MECOM: variants seen among roughly 807,000 people sequenced by gnomAD.
The protein encoded by MECOM is MDS1 and EVI1 complex locus, also known as histone-lysine N-methyltransferase MECOM.
Under a neutral mutation model 116.3 loss-of-function variants are expected in MECOM, and 13 were observed. The observed-to-expected ratio is 0.11, with a 90% CI of 0.07 to 0.18. The LOEUF (loss-of-function observed/expected upper bound fraction) is 0.18, where lower values mean the gene tolerates loss of function less well. Among genes scored for constraint, MECOM ranks in the 10% least tolerant of loss-of-function variants. The probability of loss-of-function intolerance (pLI) is 1.00; values close to 1 mark genes in which losing one functional copy is unlikely to be tolerated. For synonymous variants in MECOM, 528 were observed against 535.2 expected (o/e 0.99, Z 0.19); for missense variants, 1,299 against 1,509.0 (o/e 0.86, Z 2.31).
chr3:169,373,782 T>A (rs1730548427), intron 2 of MECOM, among the ~76,000 whole-genome samples: 1 of 151,984 alleles, frequency 6.6e-6, no homozygotes, highest in African/African-American at 2.4e-5. Flanking sequence ...GGATTATACA[T>A]GTCTGAATTC....
chr3:169,427,778 G>A (rs1294332762), intron 1 of MECOM, among the ~76,000 whole-genome samples: 4 of 152,174 alleles, frequency 2.6e-5, no homozygotes, highest in African/African-American at 7.2e-5. Context: ...CAAAATATGT[G>A]TGTATGAAAG....
At chr3:169,390,815 G>A (rs147809763) in intron 1 of MECOM, among the ~76,000 whole-genome samples, 101 of 152,250 alleles carry the variant, frequency 6.6e-4, no homozygotes, top group Admixed American at 1.1e-3. Context: ...GAAGGAGGAT[G>A]GTGTGCATTC....
At chr3:169,361,271 A>G (rs1047928290) in intron 2 of MECOM, among the ~76,000 whole-genome samples, 17 of 151,872 alleles carry the variant, frequency 1.1e-4, no homozygotes, top group Admixed American at 1.1e-3. Flanking sequence ...GTCTTCAGCA[A>G]AAGAACCATT....
intron 1 of MECOM, among the ~76,000 whole-genome samples, chr3:169,526,216 T>A (rs1365328948): frequency 6.6e-6 from 1 of 151,956 alleles, no homozygotes; most frequent in African/African-American, 2.4e-5. Flanking sequence ...CGTTGGGCCG[T>A]CGGAGAGCCT....
intron 1 of MECOM, among the ~76,000 whole-genome samples, chr3:169,493,711 C>A (rs1348493030): frequency 6.6e-6 from 1 of 151,842 alleles, no homozygotes; most frequent in Non-Finnish European, 1.5e-5. Context: ...CAGAAACAGC[C>A]CTGACACTTT....
intron 1 of MECOM, among the ~76,000 whole-genome samples, chr3:169,543,501 T>G (rs1760354880): frequency 6.6e-6 from 1 of 152,120 alleles, no homozygotes; most frequent in South Asian, 2.1e-4. Flanking sequence ...AAGGTTACAG[T>G]GAGTTATGAT....
intron 2 of MECOM, among the ~76,000 whole-genome samples, chr3:169,193,876 T>C (rs1303847304): frequency 1.3e-5 from 2 of 152,048 alleles, no homozygotes; most frequent in African/African-American, 2.4e-5. Flanking sequence ...AAATGAATAC[T>C]AATTGAAATT....
chr3:169,158,272 C>G (rs1306447621), intron 2 of MECOM, among the ~76,000 whole-genome samples: 1 of 152,112 alleles, frequency 6.6e-6, no homozygotes, highest in Non-Finnish European at 1.5e-5. Context: ...TGGAAGATTT[C>G]AAGAAGGTCA....
At chr3:169,389,930 A>C (rs887199679) in intron 1 of MECOM, among the ~76,000 whole-genome samples, 3 of 152,206 alleles carry the variant, frequency 2.0e-5, no homozygotes, top group African/African-American at 7.2e-5. Flanking sequence ...CAAGAAAGGA[A>C]GTATATCAGC....
intron 1 of MECOM, among the ~76,000 whole-genome samples, chr3:169,650,356 T>C (rs1162998789): frequency 6.6e-6 from 1 of 152,156 alleles, no homozygotes; most frequent in Admixed American, 6.5e-5. Flanking sequence ...ATGTACAGGA[T>C]AAGGCAGTAT....
At chr3:169,395,259 T>C (rs1734847034) in intron 1 of MECOM, among the ~76,000 whole-genome samples, 2 of 152,192 alleles carry the variant, frequency 1.3e-5, no homozygotes, top group East Asian at 1.9e-4. Flanking sequence ...GATCCAGCAA[T>C]GTTTCTAGTT....
intron 1 of MECOM, among the ~76,000 whole-genome samples, chr3:169,546,428 G>A (rs1760728974): frequency 6.6e-6 from 1 of 152,202 alleles, no homozygotes; most frequent in South Asian, 2.1e-4. Context: ...GGTAGAAAAA[G>A]AGAAAAGTTA....
intron 1 of MECOM, chr3:169,389,586 G>C (rs764146175): frequency 1.1e-5 from 11 of 985,306 alleles, no homozygotes; most frequent in Non-Finnish European, 1.3e-5. Context: ...TTCTTCATAA[G>C]CTTTCTATGT....
At chr3:169,153,158 T>TA (rs1267019028) in intron 2 of MECOM, among the ~76,000 whole-genome samples, 2 of 152,170 alleles carry the variant, frequency 1.3e-5, no homozygotes, top group African/African-American at 4.8e-5. Flanking sequence ...AATAAAAATG[T>TA]TAATAAAATA....
intron 2 of MECOM, among the ~76,000 whole-genome samples, chr3:169,192,370 T>G (rs977348853): frequency 9.2e-5 from 14 of 152,066 alleles, no homozygotes; most frequent in Admixed American, 2.0e-4. Context: ...CAATGAAATA[T>G]ATATTTAAGT....
At chr3:169,210,500 A>G (rs1750572489) in intron 2 of MECOM, among the ~76,000 whole-genome samples, 1 of 152,202 alleles carries the variant, frequency 6.6e-6, no homozygotes, top group South Asian at 2.1e-4. Flanking sequence ...TTTCACTGAC[A>G]TGAAACAGTA....
intron 1 of MECOM, among the ~76,000 whole-genome samples, chr3:169,568,325 GT>G (rs796978076): frequency 6.6e-6 from 1 of 151,976 alleles, no homozygotes; most frequent in African/African-American, 2.4e-5. Context: ...AGCTGCAGGA[GT>G]TTTTTTTCAT....
intron 2 of MECOM, among the ~76,000 whole-genome samples, chr3:169,255,705 T>C (rs1226130089): frequency 2.0e-5 from 3 of 152,162 alleles, no homozygotes; most frequent in African/African-American, 7.2e-5. Flanking sequence ...ACAACCATCT[T>C]CACATACTAC....
intron 1 of MECOM, among the ~76,000 whole-genome samples, chr3:169,617,229 T>C (rs972557324): frequency 6.6e-6 from 1 of 152,216 alleles, no homozygotes; most frequent in Non-Finnish European, 1.5e-5. Flanking sequence ...GGACCATAGG[T>C]AATTATTATT....
Sources: gnomAD v4.1 joint callset for allele counts (sites outside exome capture counted in the v4.1 genomes callset) on GRCh38, gnomAD v4.1.1 for gene constraint, MANE v1.5 for transcripts, NCBI Gene and HGNC (gene_info 2026-07-23, HGNC 2026-07-21) for gene names.